NMNAT3: variants seen among roughly 807,000 people sequenced by gnomAD.
The protein encoded by NMNAT3 is nicotinamide nucleotide adenylyltransferase 3, also known as nicotinamide/nicotinic acid mononucleotide adenylyltransferase 3.
Under a neutral mutation model 24.8 loss-of-function variants are expected in NMNAT3, and 21 were observed. The observed-to-expected ratio is 0.85, with a 90% CI of 0.60 to 1.22. The LOEUF (loss-of-function observed/expected upper bound fraction) is 1.22, where lower values mean the gene tolerates loss of function less well. NMNAT3 is among the 50% of genes most tolerant of loss of function. The pLI, the probability that NMNAT3 is intolerant of heterozygous loss-of-function variation, is 0.00. For missense variants in NMNAT3, 387 were observed against 436.6 expected, an observed-to-expected ratio of 0.89 and a Z score of 1.01; for synonymous variants, 136 against 155.2, an observed-to-expected ratio of 0.88 and a Z score of 0.92.
At chr3:139,561,449 C>A in intron 6 of NMNAT3, 57 bp from the exon 7 acceptor site, 2 of 1,530,476 alleles carry the variant, frequency 1.3e-6, no homozygotes, top group Non-Finnish European at 1.8e-6. Flanking sequence ...CCAGGAAAGA[C>A]AACATCATTG....
chr3:139,561,393 C>G lies in NMNAT3; in HGVS notation c.659-1G>C. On this transcript the variant is annotated splice_acceptor_variant, in intron 6 of 6. Coordinates refer to ENST00000643695, the MANE Select transcript of NMNAT3 (RefSeq NM_001320510.2). LOFTEE classifies it high-confidence loss of function. ...CAGAGAAGCTTCAGCTCAGGCACAG[C>G]TGCAAAAACAAGGATGGACCCAGTA... The G allele has an allele frequency of 6.2e-7, 1 of 1,610,168 alleles. No homozygotes were observed. The highest frequency in any genetic ancestry group is 8.5e-7 in the Non-Finnish European group (1 of 1,177,386).
chr3:139,591,308 A>G (rs972049785), intron 3 of NMNAT3, among the ~76,000 whole-genome samples: 3 of 152,210 alleles, frequency 2.0e-5, no homozygotes, highest in Admixed American at 6.5e-5. Flanking sequence ...CACCTGGCTC[A>G]GAGGGTCCTA....
intron 6 of NMNAT3, chr3:139,565,849 A>G (rs1937112757): frequency 6.6e-6 from 1 of 152,210 alleles, no homozygotes; most frequent in South Asian, 2.1e-4. Context: ...TTATAGCAGC[A>G]TGATTTATAA....
chr3:139,660,301 A>G (rs893028501), intron 1 of NMNAT3, among the ~76,000 whole-genome samples: 2 of 152,188 alleles, frequency 1.3e-5, no homozygotes, highest in Non-Finnish European at 2.9e-5. Flanking sequence ...AGTGTTCACT[A>G]CAATTTTATT....
intron 3 of NMNAT3, chr3:139,599,386 C>G: frequency 1.4e-6 from 1 of 702,464 alleles, no homozygotes; most frequent in South Asian, 1.5e-5. Flanking sequence ...CCACCTCATG[C>G]ACACTTTTGC....
intron 3 of NMNAT3, among the ~76,000 whole-genome samples, chr3:139,618,377 C>A (rs2055607653): frequency 1.3e-5 from 2 of 152,222 alleles, no homozygotes; most frequent in Admixed American, 1.3e-4. Context: ...ATTATAGTGT[C>A]TCTGTCAGCT....
At chr3:139,621,597 C>G (rs1419977406) in intron 3 of NMNAT3, among the ~76,000 whole-genome samples, 1 of 152,158 alleles carries the variant, frequency 6.6e-6, no homozygotes, top group East Asian at 1.9e-4. Context: ...GTCTTCAACT[C>G]CTGGCCTCAA....
intron 3 of NMNAT3, among the ~76,000 whole-genome samples, chr3:139,589,612 G>A (rs528252195): frequency 1.3e-5 from 2 of 152,216 alleles, no homozygotes. Flanking sequence ...ACAGGTGTCA[G>A]CAGGCTTTTT....
At chr3:139,619,051 T>C (rs996327798) in intron 3 of NMNAT3, among the ~76,000 whole-genome samples, 2 of 152,150 alleles carry the variant, frequency 1.3e-5, no homozygotes, top group Admixed American at 6.5e-5. Context: ...CTAAACCTCC[T>C]CCAGGGAATT....
chr3:139,666,751 C>T (rs1240857460), intron 1 of NMNAT3, among the ~76,000 whole-genome samples: 1 of 152,192 alleles, frequency 6.6e-6, no homozygotes, highest in East Asian at 1.9e-4. Flanking sequence ...CCCTCCCCAA[C>T]CCTTGCTACC....
chr3:139,588,856 C>A (rs191056943), intron 3 of NMNAT3, among the ~76,000 whole-genome samples: 7 of 152,238 alleles, frequency 4.6e-5, no homozygotes, highest in Admixed American at 4.6e-4. Context: ...AAGTATGTTT[C>A]CCAGAATGTC....
At chr3:139,658,937 C>A (rs779664440) in intron 1 of NMNAT3, among the ~76,000 whole-genome samples, 2 of 152,114 alleles carry the variant, frequency 1.3e-5, no homozygotes, top group Non-Finnish European at 2.9e-5. Flanking sequence ...TCCCCCTGCA[C>A]CCCTCCCTCA....
Position 139,573,653 on chromosome 3 carries a change from A to G in NMNAT3, c.603T>C (p.Ser201=). 1 of 1,604,988 alleles carries G rather than the reference A, an allele frequency of 6.2e-7. No individual in the cohort carries two copies. Among genetic ancestry groups the G allele is most frequent in the East Asian group, 2.3e-5 (1 of 44,296 alleles). Residue 201 remains serine, a synonymous_variant, in exon 6 of 7, where the codon TCT becomes TCC. Transcript: ENST00000643695. ...GGTCTGGGCCTTCCATCTGGGGTGG[A>G]GATCTGAGCAGTTTGCTGTGATGAT...
Position 139,627,616 on chromosome 3 carries a change from C to G in NMNAT3, c.109G>C (p.Glu37Gln). ...TTGGACTCAGGGCCCCCTGACTGAC[C>G]TGTTTGGTGTAGGTGATCTCTGGCC... is the stretch of plus-strand genomic sequence containing the variant. The change falls in exon 3 of 7, where the codon GAA (glutamate) becomes CAA (glutamine). Residue 37 changes from glutamate (E) to glutamine (Q), a missense_variant and splice_region_variant. This residue lies in a region of NMNAT3 where 51 missense variants were observed against 55.6 expected (regional missense o/e 0.92). Transcript: ENST00000643695. The G allele has an allele frequency of 6.4e-7, 1 of 1,572,480 alleles. No homozygotes were observed. The highest frequency in any genetic ancestry group is 8.6e-7 in the Non-Finnish European group (1 of 1,163,962).
chr3:139,599,238 A>G (rs2054604679), intron 3 of NMNAT3: 2 of 653,672 alleles, frequency 3.1e-6, no homozygotes, highest in African/African-American at 1.8e-5. Context: ...GAAAAGCATT[A>G]GGTAATGCTC....
chr3:139,582,204 A>G (rs1385676170), intron 4 of NMNAT3, among the ~76,000 whole-genome samples: 5 of 151,020 alleles, frequency 3.3e-5, no homozygotes, highest in African/African-American at 9.7e-5. Context: ...AAAAAAAAAA[A>G]AAAAAAAAAA....
At chr3:139,636,872 T>C (rs1295440901) in intron 2 of NMNAT3, 1 of 152,206 alleles carries the variant, frequency 6.6e-6, no homozygotes, top group Non-Finnish European at 1.5e-5. Context: ...CCATGTGGAA[T>C]TGACTACAAA....
At chr3:139,665,725 G>A (rs2057555780) in intron 1 of NMNAT3, among the ~76,000 whole-genome samples, 1 of 139,566 alleles carries the variant, frequency 7.2e-6, no homozygotes, top group East Asian at 2.1e-4. Context: ...ATTTGTAACA[G>A]GAGAGAGAGA....
At chr3:139,622,810 T>A (rs1301559256) in intron 3 of NMNAT3, among the ~76,000 whole-genome samples, 2 of 141,172 alleles carry the variant, frequency 1.4e-5, no homozygotes, top group East Asian at 2.0e-4. Flanking sequence ...GATATATATA[T>A]AAAATGTATA....
Sources: allele counts gnomAD v4.1 joint callset (sites outside exome capture counted in the v4.1 genomes callset), GRCh38; gene constraint gnomAD v4.1.1; regional missense constraint gnomAD v4.1.1; transcripts MANE v1.5; gene names NCBI Gene and HGNC (gene_info 2026-07-23, HGNC 2026-07-21).